ANO10: variants seen among roughly 807,000 people sequenced by gnomAD.
ANO10 encodes the protein anoctamin 10, also known as anoctamin-10.
A neutral mutation model predicts 74.7 loss-of-function variants in ANO10; 77 were observed. That is an observed-to-expected ratio of 1.03 (90% CI 0.86 to 1.25). The LOEUF (loss-of-function observed/expected upper bound fraction) is 1.25. Ranked by LOEUF, ANO10 falls within the 50% of genes most tolerant of loss-of-function variation. The pLI, the probability that ANO10 is intolerant of heterozygous loss-of-function variation, is 0.00. For missense variants in ANO10, 721 were observed against 778.1 expected (o/e 0.93, Z 0.87); for synonymous variants, 279 against 284.9 (o/e 0.98, Z 0.21).
At chr3:43,535,999 T>C (rs973754960) in intron 11 of ANO10, among the ~76,000 whole-genome samples, 2 of 152,214 alleles carry the variant, frequency 1.3e-5, no homozygotes, top group South Asian at 2.1e-4. Flanking sequence ...TGTTATCCAA[T>C]TGACAAATTA....
At chr3:43,528,611 A>G (rs771071968) in intron 11 of ANO10, among the ~76,000 whole-genome samples, 4 of 152,162 alleles carry the variant, frequency 2.6e-5, no homozygotes, top group East Asian at 1.9e-4. Flanking sequence ...CACTGAAGAA[A>G]AGCTTGAAAA....
At chr3:43,541,834 T>C (rs2078971139) in intron 11 of ANO10, among the ~76,000 whole-genome samples, 1 of 152,192 alleles carries the variant, frequency 6.6e-6, no homozygotes, top group Admixed American at 6.5e-5. Flanking sequence ...TAGTAAATGA[T>C]AACAGTGACT....
intron 12 of ANO10, among the ~76,000 whole-genome samples, chr3:43,420,465 GAAAAAC>G (rs955010782): frequency 4.1e-5 from 6 of 147,784 alleles, no homozygotes; most frequent in Non-Finnish European, 3.0e-5. Context: ...AAAAGAAAAA[GAAAAAC>G]AAAAACAAAA....
chr3:43,662,594 AT>A (rs1000292194), intron 1 of ANO10, among the ~76,000 whole-genome samples: 11 of 151,890 alleles, frequency 7.2e-5, no homozygotes, highest in African/African-American at 2.2e-4. Context: ...ACACAAAAAA[AT>A]AAATGAATCC....
chr3:43,485,090 C>T (rs1431723090), intron 11 of ANO10: 21 of 1,127,044 alleles, frequency 1.9e-5, no homozygotes, highest in Non-Finnish European at 2.5e-5. Context: ...AGCCGGCCGG[C>T]GGCACTTGCT....
rs186103761 is a variant in ANO10 at position 43,597,417 on chromosome 3, G to T, written c.472+1115C>A. Among the ~76,000 whole-genome samples the T allele has an allele frequency of 7.5e-4, 114 of 152,288 alleles. 1 individual carries two copies. Among genetic ancestry groups the T allele is most frequent in the African/African-American group, 2.6e-3 (110 of 41,554 alleles). On this transcript the variant is annotated intron_variant, in intron 4 of 12. Coordinates refer to ENST00000292246, the MANE Select transcript of ANO10 (RefSeq NM_018075.5). ...GAAAATGTGGCACATATACACCATGGAATACTATGCAGCCATAAAAAATGA... is the reference window on the plus strand; with the variant it reads ...GAAAATGTGGCACATATACACCATGTAATACTATGCAGCCATAAAAAATGA...
intron 11 of ANO10, among the ~76,000 whole-genome samples, chr3:43,467,130 A>G (rs969126913): frequency 1.3e-5 from 2 of 152,242 alleles, no homozygotes; most frequent in Non-Finnish European, 2.9e-5. Flanking sequence ...TGGAACTCTC[A>G]ATCATTGCTG....
At position 43,432,651 on chromosome 3, in the gene ANO10, G is replaced by C; in HGVS notation, c.1874C>G (p.Ala625Gly). 3 of 1,613,930 alleles carry C rather than the reference G, an allele frequency of 1.9e-6. No individual in the cohort carries two copies. The highest frequency in any genetic ancestry group is 2.5e-6 in the Non-Finnish European group (3 of 1,179,892). ...CTCCAAAGACTCAAATTCCAGTCTGGCTAGTTTCATCTGGATATGCCGTGG... is the reference window on the plus strand; with the variant it reads ...CTCCAAAGACTCAAATTCCAGTCTGCCTAGTTTCATCTGGATATGCCGTGG... ...DKPRHIQMKL[A>G]RLEFESLEAL... is the part of the protein sequence containing the mutation. Residue 625 changes from alanine to glycine, a missense_variant, in exon 12 of 13, where the codon GCC becomes GGC. Physicochemically the swap from Ala to Gly is moderately conservative, Grantham distance 60. Coordinates refer to ENST00000292246, the MANE Select transcript of ANO10 (RefSeq NM_018075.5).
intron 12 of ANO10, among the ~76,000 whole-genome samples, chr3:43,383,844 C>T (rs1314725570): frequency 6.6e-6 from 1 of 152,128 alleles, no homozygotes; most frequent in Non-Finnish European, 1.5e-5. Flanking sequence ...AAGTTGAAGG[C>T]ATTACCCCTG....
chr3:43,437,877 C>CA (rs200845444), intron 11 of ANO10, among the ~76,000 whole-genome samples: 13,532 of 142,772 alleles, frequency 0.095, 656 homozygotes, highest in Admixed American at 0.14. Flanking sequence ...AAAAAAAAAA[C>CA]AAAAAAAAAC....
At chr3:43,389,631 A>T (rs1399402461) in intron 12 of ANO10, among the ~76,000 whole-genome samples, 1 of 152,252 alleles carries the variant, frequency 6.6e-6, no homozygotes, top group African/African-American at 2.4e-5. Flanking sequence ...AGCATTCCAG[A>T]TAAGTATGTA....
intron 11 of ANO10, among the ~76,000 whole-genome samples, chr3:43,482,908 T>TCA (rs1288108348): frequency 6.6e-6 from 1 of 152,128 alleles, no homozygotes; most frequent in African/African-American, 2.4e-5. Context: ...AGCAAAGCTG[T>TCA]ACCCTTGCAG....
intron 8 of ANO10, among the ~76,000 whole-genome samples, chr3:43,564,265 C>T (rs1340847337): frequency 6.6e-6 from 1 of 152,034 alleles, no homozygotes; most frequent in Non-Finnish European, 1.5e-5. Context: ...AACTCCTGGG[C>T]TCAAGCAATC....
At chr3:43,395,893 C>T (rs990208288) in intron 12 of ANO10, among the ~76,000 whole-genome samples, 2 of 152,176 alleles carry the variant, frequency 1.3e-5, no homozygotes, top group African/African-American at 4.8e-5. Flanking sequence ...CATATAGTCT[C>T]TGTCACAATG....
intron 11 of ANO10, among the ~76,000 whole-genome samples, chr3:43,540,548 A>G (rs567088325): frequency 8.5e-5 from 13 of 152,310 alleles, no homozygotes; most frequent in Non-Finnish European, 1.8e-4. Flanking sequence ...TTTAGCACAC[A>G]CTTTTCATCA....
intron 12 of ANO10, among the ~76,000 whole-genome samples, chr3:43,406,210 C>T (rs1053646079): frequency 2.6e-5 from 4 of 152,192 alleles, no homozygotes; most frequent in Admixed American, 2.6e-4. Context: ...CGGGAACAGG[C>T]CTCCAGGATG....
At chr3:43,615,936 A>G (rs186938835) in intron 1 of ANO10, among the ~76,000 whole-genome samples, 4 of 152,254 alleles carry the variant, frequency 2.6e-5, no homozygotes, top group Admixed American at 2.6e-4. Flanking sequence ...TACAGGTGTG[A>G]GCCACCGCGC....
chr3:43,418,939 A>G (rs992268616), intron 12 of ANO10, among the ~76,000 whole-genome samples: 5 of 152,256 alleles, frequency 3.3e-5, no homozygotes, highest in Non-Finnish European at 7.3e-5. Flanking sequence ...CTGCTTTTGC[A>G]TTACAGCAGC....
At chr3:43,412,380 T>C (rs936839979) in intron 12 of ANO10, among the ~76,000 whole-genome samples, 3 of 152,100 alleles carry the variant, frequency 2.0e-5, no homozygotes, top group Admixed American at 1.3e-4. Flanking sequence ...AGGAGGGGAC[T>C]AGAGATAACT....
Sources: gnomAD v4.1 joint callset for allele counts (sites outside exome capture counted in the v4.1 genomes callset) on GRCh38, gnomAD v4.1.1 for gene constraint, MANE v1.5 for transcripts, NCBI Gene and HGNC (gene_info 2026-07-23, HGNC 2026-07-21) for gene names.